The following GPR141 variants were observed in gnomAD, a reference collection of about 807,000 sequenced individuals.
GPR141 encodes probable G protein-coupled receptor 141.
A neutral mutation model predicts 6.8 loss-of-function variants in GPR141; 6 were observed. That is an observed-to-expected ratio of 0.88 (90% CI 0.48 to 1.74). GPR141 has a LOEUF of 1.74. Ranked by LOEUF, GPR141 falls within the 40% of genes most tolerant of loss-of-function variation. The pLI is 0.01. For missense variants in GPR141, 372 were observed against 372.9 expected (o/e 1.00, Z 0.02); for synonymous variants, 140 against 142.3 (o/e 0.98, Z 0.11).
intron 2 of GPR141, among the ~76,000 whole-genome samples, chr7:37,720,276 G>A (rs185510829): frequency 3.3e-5 from 5 of 152,158 alleles, no homozygotes; most frequent in Admixed American, 1.3e-4. Flanking sequence ...GGCACAGGGC[G>A]GCAGGCACTT....
chr7:37,692,736 T>C (rs908139529), intron 2 of GPR141, among the ~76,000 whole-genome samples: 2 of 152,230 alleles, frequency 1.3e-5, no homozygotes, highest in African/African-American at 4.8e-5. Context: ...TTTGCATTTC[T>C]CTAATGACCA....
intron 2 of GPR141, among the ~76,000 whole-genome samples, chr7:37,707,161 G>A (rs1810564459): frequency 2.0e-5 from 3 of 152,118 alleles, no homozygotes; most frequent in Non-Finnish European, 2.9e-5. Flanking sequence ...CTCCCAGAAC[G>A]TCTACATAAT....
chr7:37,716,782 A>G (rs1450177), intron 2 of GPR141, among the ~76,000 whole-genome samples: 116,881 of 152,244 alleles, frequency 0.77, 45,316 homozygotes, highest in African/African-American at 0.87. Context: ...AAGAATTTCT[A>G]TCTCTGAATA....
chr7:37,733,535 G>T (rs1812078992), intron 2 of GPR141, among the ~76,000 whole-genome samples: 1 of 151,976 alleles, frequency 6.6e-6, no homozygotes, highest in African/African-American at 2.4e-5. Context: ...AGCCAGGTGT[G>T]GTGGCAGGCA....
intron 2 of GPR141, among the ~76,000 whole-genome samples, chr7:37,714,045 T>C (rs1254460268): frequency 2.0e-5 from 3 of 152,096 alleles, no homozygotes; most frequent in Non-Finnish European, 2.9e-5. Context: ...TTTTTTTTTT[T>C]CATCATGTCC....
At chr7:37,734,053 G>C (rs1933900766) in intron 2 of GPR141, among the ~76,000 whole-genome samples, 1 of 151,928 alleles carries the variant, frequency 6.6e-6, no homozygotes, top group Admixed American at 6.6e-5. Flanking sequence ...CACACCTGTA[G>C]TCCTAGCTAC....
intron 2 of GPR141, among the ~76,000 whole-genome samples, chr7:37,722,979 C>CTTCCTTCCTTCT (rs1562783541): frequency 1.3e-5 from 1 of 77,736 alleles, no homozygotes; most frequent in Non-Finnish European, 2.7e-5. Context: ...TCCTTCCTTC[C>CTTCCTTCCTTCT]TTCTTTCTTT....
At chr7:37,704,835 C>A (rs1170781569) in intron 2 of GPR141, among the ~76,000 whole-genome samples, 1 of 152,116 alleles carries the variant, frequency 6.6e-6, no homozygotes, top group Non-Finnish European at 1.5e-5. Context: ...TGAAATTATT[C>A]TTTTCTACTA....
At chr7:37,738,919 T>C (rs1056328244) in intron 2 of GPR141, among the ~76,000 whole-genome samples, 9 of 152,204 alleles carry the variant, frequency 5.9e-5, no homozygotes, top group Non-Finnish European at 1.2e-4. Context: ...TTCTCAACTT[T>C]TTGTGTTTGT....
chr7:37,740,950 TCA>T lies in GPR141; in HGVS notation c.558_559del (p.Ile187PhefsTer58). On this transcript the variant is annotated frameshift_variant, in exon 3 of 3. Transcript: ENST00000334425. LOFTEE classifies it low-confidence loss of function (END_TRUNC). ...GTGAAAATCATCAACTATATGATAG[TCA>T]TTTTTGTCATAGCCGTTGCTGTGAT... 6.2e-7 allele frequency: 1 copy of T among 1,613,968 alleles called. No individual in the cohort carries two copies. Among genetic ancestry groups the T allele is most frequent in the Middle Eastern group, 1.7e-4 (1 of 6,058 alleles).
intron 2 of GPR141, among the ~76,000 whole-genome samples, chr7:37,687,118 C>T (rs1277166352): frequency 2.0e-5 from 3 of 152,026 alleles, no homozygotes; most frequent in African/African-American, 7.3e-5. Context: ...CACTGCCTGC[C>T]CAATTGATGA....
rs1029136929 is a variant in GPR141, at chr7:37,742,731, A to G, written c.*1420A>G. 5.3e-5 allele frequency among the ~76,000 whole-genome samples: 8 copies of G among 152,198 alleles called. No homozygotes were observed. The highest frequency in any genetic ancestry group is 8.8e-5 in the Non-Finnish European group (6 of 68,030). On this transcript the variant is annotated 3_prime_UTR_variant, in exon 3 of 3. Transcript: ENST00000334425. ...ATAAAATCATAATCCTTTAAAATATAGGAAAAATAACTAATGGGAACTAGG... is the reference window on the plus strand; with the variant it reads ...ATAAAATCATAATCCTTTAAAATATGGGAAAAATAACTAATGGGAACTAGG...
chr7:37,725,407 C>G (rs1811576745), intron 2 of GPR141, among the ~76,000 whole-genome samples: 1 of 152,092 alleles, frequency 6.6e-6, no homozygotes, highest in African/African-American at 2.4e-5. Flanking sequence ...CGAACTTGAG[C>G]AGGGTGAGGC....
At chr7:37,718,953 G>A (rs1288369595) in intron 2 of GPR141, among the ~76,000 whole-genome samples, 4 of 152,164 alleles carry the variant, frequency 2.6e-5, no homozygotes, top group Admixed American at 6.5e-5. Context: ...TTGTGTGTGC[G>A]TGTATATGTG....
chr7:37,692,203 G>A (rs1306127243), intron 2 of GPR141, among the ~76,000 whole-genome samples: 4 of 151,518 alleles, frequency 2.6e-5, no homozygotes, highest in South Asian at 2.1e-4. Flanking sequence ...GTGTCCATGT[G>A]TTCTCATTGT....
intron 2 of GPR141, among the ~76,000 whole-genome samples, chr7:37,716,388 G>A (rs1376223752): frequency 6.6e-6 from 1 of 152,248 alleles, no homozygotes; most frequent in South Asian, 2.1e-4. Flanking sequence ...TTTTCAAAGG[G>A]GGTGAAAGAT....
chr7:37,715,974 C>T (rs12534846), intron 2 of GPR141, among the ~76,000 whole-genome samples: 2,267 of 152,170 alleles, frequency 0.015, 143 homozygotes, highest in Admixed American at 0.1. Context: ...AGGGGTGAGG[C>T]GGGGGTGAAA....
At chr7:37,734,168 C>A (rs1812122168) in intron 2 of GPR141, among the ~76,000 whole-genome samples, 1 of 152,126 alleles carries the variant, frequency 6.6e-6, no homozygotes, top group South Asian at 2.1e-4. Flanking sequence ...ACAAGACTGT[C>A]CCAACTCATT....
chr7:37,702,930 A>C (rs182102290), intron 2 of GPR141, among the ~76,000 whole-genome samples: 1 of 151,756 alleles, frequency 6.6e-6, no homozygotes, highest in Non-Finnish European at 1.5e-5. Context: ...TTGTTGATTC[A>C]TATAAAATAT....
Sources: allele counts gnomAD v4.1 joint callset (sites outside exome capture counted in the v4.1 genomes callset), GRCh38; gene constraint gnomAD v4.1.1; transcripts MANE v1.5; gene names NCBI Gene and HGNC (gene_info 2026-07-23, HGNC 2026-07-21).